The following RHCE variants were observed in gnomAD, a reference collection of about 807,000 sequenced individuals.
RHCE encodes Rh blood group CcEe antigens.
RHCE carries 22 observed loss-of-function variants against 43.8 expected under a neutral mutation model. That is an observed-to-expected ratio of 0.50 (90% CI 0.36 to 0.72). The LOEUF is 0.72. RHCE is among the 30% of genes least tolerant of loss of function. RHCE has a pLI of 0.00. For synonymous variants in RHCE, 156 were observed against 210.7 expected (o/e 0.74, Z 2.25); for missense variants, 385 against 525.4 (o/e 0.73, Z 2.61).
chr1:25,414,398 G>A (rs1284092512), intron 1 of RHCE, among the ~76,000 whole-genome samples: 4 of 152,036 alleles, frequency 2.6e-5, no homozygotes, highest in Non-Finnish European at 5.9e-5. Context: ...CCTCCACCCT[G>A]TGCTCCCACT....
intron 1 of RHCE, among the ~76,000 whole-genome samples, chr1:25,410,202 C>T (rs1426121258): frequency 1.3e-5 from 2 of 151,894 alleles, no homozygotes; most frequent in African/African-American, 4.8e-5. Context: ...TGGCCTACAG[C>T]CAAGATTTAA....
At chr1:25,392,371 C>T (rs907750025) in intron 3 of RHCE, among the ~76,000 whole-genome samples, 6 of 152,154 alleles carry the variant, frequency 3.9e-5, no homozygotes, top group Non-Finnish European at 8.8e-5. Flanking sequence ...ACGCGATTCT[C>T]CTGCCTCAGC....
chr1:25,404,932 T>C (rs1646868611), intron 2 of RHCE, among the ~76,000 whole-genome samples: 1 of 151,748 alleles, frequency 6.6e-6, no homozygotes, highest in African/African-American at 2.4e-5. Context: ...GGCTCACACC[T>C]GTAATCTTAG....
intron 2 of RHCE, among the ~76,000 whole-genome samples, chr1:25,426,370 C>T (rs1379872620): frequency 2.0e-5 from 3 of 152,184 alleles, no homozygotes; most frequent in East Asian, 3.8e-4. Flanking sequence ...TTGCTATTTT[C>T]ATGAACTCTA....
chr1:25,417,909 G>T (rs1174448213), intron 1 of RHCE, among the ~76,000 whole-genome samples: 1 of 152,120 alleles, frequency 6.6e-6, no homozygotes, highest in African/African-American at 2.4e-5. Flanking sequence ...CATGGCATCC[G>T]CCATGACCCA....
At chr1:25,377,800 G>A (rs187527754) in intron 7 of RHCE, among the ~76,000 whole-genome samples, 2 of 152,332 alleles carry the variant, frequency 1.3e-5, no homozygotes, top group Non-Finnish European at 2.9e-5. Flanking sequence ...AGCTACTCAG[G>A]AGGCTGAAGT....
chr1:25,374,489 C>T (rs1389857479), intron 8 of RHCE, among the ~76,000 whole-genome samples: 1 of 151,540 alleles, frequency 6.6e-6, no homozygotes, highest in Non-Finnish European at 1.5e-5. Flanking sequence ...TACTTTTCCC[C>T]TTTGTTGAAA....
At chr1:25,376,841 G>A (rs1645803071) in intron 7 of RHCE, among the ~76,000 whole-genome samples, 1 of 152,040 alleles carries the variant, frequency 6.6e-6, no homozygotes, top group African/African-American at 2.4e-5. Flanking sequence ...GTGAACCCAG[G>A]AGGTGGAGTT....
chr1:25,404,401 C>A (rs925038481), intron 2 of RHCE, among the ~76,000 whole-genome samples: 1 of 142,700 alleles, frequency 7.0e-6, no homozygotes, highest in Admixed American at 7.1e-5. Flanking sequence ...CCCGCTTAAG[C>A]CTCAAGGACT....
intron 1 of RHCE, among the ~76,000 whole-genome samples, chr1:25,413,151 A>C (rs1279656557): frequency 6.6e-6 from 1 of 152,150 alleles, no homozygotes; most frequent in Non-Finnish European, 1.5e-5. Context: ...CCAAGGCTCT[A>C]CACTGTCCCT....
intron 1 of RHCE, among the ~76,000 whole-genome samples, chr1:25,409,485 C>G (rs1221605210): frequency 8.0e-6 from 1 of 124,732 alleles, no homozygotes; most frequent in African/African-American, 2.5e-5. Context: ...CTTTCCCAGT[C>G]TCAGACCCTG....
rs1645686499 is a variant in RHCE at position 25,373,794 on chromosome 1, C to T, written c.1153+1555G>A. The stretch of plus-strand genomic sequence containing the variant: ...GTGTCTAACCAATAAAAGATGTTTG[C>T]TTGTAGAATAACAAGTTCTGGATGG... On this transcript the variant is annotated intron_variant, in intron 8 of 9. Transcript: ENST00000294413. Among the ~76,000 whole-genome samples the T allele has an allele frequency of 2.0e-5, 3 of 151,100 alleles. 1 individual carries two copies. Among genetic ancestry groups the T allele is most frequent in the South Asian group, 2.1e-4 (1 of 4,798 alleles).
chr1:25,391,913 G>A, intron 4 of RHCE, 81 bp downstream of exon 4: 1 of 1,599,960 alleles, frequency 6.3e-7, no homozygotes. Flanking sequence ...GGTAAAGGAG[G>A]GAGATTTTTT....
At chr1:25,416,820 G>GC (rs1553161328) in intron 1 of RHCE, among the ~76,000 whole-genome samples, 5 of 27,644 alleles carry the variant, frequency 1.8e-4, no homozygotes, top group African/African-American at 1.8e-3. Context: ...TAGAGATGGC[G>GC]GGGGGGGGTC....
chr1:25,386,842 AACACACACACACAC>A (rs3079633), intron 6 of RHCE, among the ~76,000 whole-genome samples: 2 of 138,892 alleles, frequency 1.4e-5, no homozygotes, highest in East Asian at 2.2e-4. Context: ...ACAACAACAA[AACACACACACACAC>A]ACACACACAC....
upstream of RHCE, among the ~76,000 whole-genome samples, chr1:25,423,818 C>T (rs577780370): frequency 3.5e-4 from 53 of 152,218 alleles, no homozygotes; most frequent in East Asian, 7.5e-3. Flanking sequence ...GGCTTTTCAC[C>T]GTACAAGTCT....
chr1:25,399,930 C>T (rs1338948547), intron 3 of RHCE, among the ~76,000 whole-genome samples: 9 of 152,050 alleles, frequency 5.9e-5, no homozygotes, highest in East Asian at 5.8e-4. Flanking sequence ...TTGTTATTTT[C>T]GCACAATGGG....
chr1:25,420,708 G>A lies in RHCE; in HGVS notation c.79C>T (p.Leu27Phe), dbSNP rs1278785702. The change falls in exon 1 of 10, where the codon CTC becomes TTC. Residue 27 changes from leucine (L) to phenylalanine (F), a missense_variant. Leu to Phe is a conservative substitution (Grantham distance 22). Transcript: ENST00000294413. ...TCATAGTGGGTAAAAAAATAGAAGA[G>A]GAGAATGAGAGCTGCTTCCAGTGTT... ...ALTLEAALIL[L>F]FYFFTHYDAS... is the part of the protein sequence containing the mutation. The A allele has an allele frequency of 1.5e-5, 24 of 1,613,420 alleles. No individual in the cohort carries two copies. Among genetic ancestry groups the A allele is most frequent in the Non-Finnish European group, 1.4e-5 (17 of 1,179,734 alleles).
At position 25,379,878 on chromosome 1, in the gene RHCE, A is replaced by G. The variant is rs376763491; in HGVS notation, c.1074-4450T>C. Among the ~76,000 whole-genome samples, 5 of 152,088 alleles carry G rather than the reference A, an allele frequency of 3.3e-5. No homozygotes were observed. In the East Asian group the frequency reaches 9.7e-4, roughly 29 times the overall value. ...TATTTTTGTAGAGACAGGTCTCACT[A>G]TGTTGCCTAGGCTGGTCTTGAACTC... On this transcript the variant is annotated intron_variant, in intron 7 of 9. Coordinates refer to ENST00000294413, the MANE Select transcript of RHCE (RefSeq NM_020485.8).
Sources: allele counts gnomAD v4.1 joint callset (sites outside exome capture counted in the v4.1 genomes callset), GRCh38; gene constraint gnomAD v4.1.1; transcripts MANE v1.5; gene names NCBI Gene and HGNC (gene_info 2026-07-23, HGNC 2026-07-21).